Variants in SH2B1 observed in about 807,000 individuals in gnomAD.
The protein encoded by SH2B1 is SH2B adapter protein 1.
SH2B1 carries 15 observed loss-of-function variants against 62.6 expected under a neutral mutation model. That is an observed-to-expected ratio of 0.24 (90% CI 0.16 to 0.37). SH2B1 has a LOEUF of 0.37. Ranked by LOEUF, SH2B1 falls within the 10% of genes least tolerant of loss-of-function variation. SH2B1 has a pLI of 1.00. For missense variants in SH2B1, 925 were observed against 1,015.6 expected, an observed-to-expected ratio of 0.91 and a Z score of 1.21; for synonymous variants, 443 against 438.0, an observed-to-expected ratio of 1.01 and a Z score of -0.14.
At position 28,873,078 on chromosome 16, in the gene SH2B1, C is replaced by G; in HGVS notation, c.1898-369C>G. ...CGGGGACACTCGGTCTGATCCCCTTCCCTCCTCCCTCAATGTCTCATGTCC... is the reference window on the plus strand; with the variant it reads ...CGGGGACACTCGGTCTGATCCCCTTGCCTCCTCCCTCAATGTCTCATGTCC... On this transcript the variant is annotated intron_variant, in intron 7 of 7. Coordinates refer to ENST00000684370, the MANE Select transcript of SH2B1 (RefSeq NM_001387430.1). The surrounding 1 kb of genome is among the most constrained non-coding windows in gnomAD (Gnocchi z 4.2). 1 of 864,302 alleles carries G rather than the reference C, an allele frequency of 1.2e-6. No individual in the cohort carries two copies. The highest frequency in any genetic ancestry group is 1.8e-6 in the Non-Finnish European group (1 of 570,810). 53.5% of individuals were successfully genotyped at this position (864,302 alleles called of 1,614,324 possible). A position where few individuals can be genotyped will look rare whatever the true frequency, so the allele number is the denominator to read the frequency against.
In SH2B1 at chr16:28,865,290, C is replaced by T. The variant is rs908933811; in HGVS notation, c.-805C>T. On this transcript the variant is annotated 5_prime_UTR_variant, in exon 1 of 8. Coordinates refer to ENST00000684370, the MANE Select transcript of SH2B1 (RefSeq NM_001387430.1). ...GTGGGCTGTAGCTATTTCACATCTCCTTCACGCAGTGCGTGGGTGCTGGAC... is the reference window on the plus strand; with the variant it reads ...GTGGGCTGTAGCTATTTCACATCTCTTTCACGCAGTGCGTGGGTGCTGGAC... 2.1e-5 allele frequency: 21 copies of T among 985,586 alleles called. No homozygotes were observed. Among genetic ancestry groups the T allele is most frequent in the Non-Finnish European group, 2.3e-5 (19 of 829,998 alleles). 61.1% of individuals were successfully genotyped at this position (985,586 alleles called of 1,614,324 possible). A position where few individuals can be genotyped will look rare whatever the true frequency, so the allele number is the denominator to read the frequency against.
In SH2B1 at chr16:28,866,281, G is replaced by A. The variant is rs1962687072; in HGVS notation, c.187G>A (p.Ala63Thr). The part of the protein sequence containing the change: ...PQYAGPGAEA[A>T]FSRRFAELFL... ...ATATGCGGGGCCCGGGGCCGAGGCT[G>A]CCTTCTCCCGCCGTTTTGCTGAGCT... Residue 63 changes from alanine (A) to threonine (T), a missense_variant, in exon 1 of 8, where the codon GCC becomes ACC. Ala to Thr is a moderately conservative substitution (Grantham distance 58). Around this residue, in one of 3 missense-constraint regions of SH2B1, gnomAD observed 683 missense variants for 704.0 expected, o/e 0.97. Coordinates refer to ENST00000684370, the MANE Select transcript of SH2B1 (RefSeq NM_001387430.1). This position sits in a 1 kb window ranked among gnomAD's most constrained non-coding sequence, Gnocchi z 6.3. 6.2e-7 allele frequency: 1 copy of A among 1,609,720 alleles called. No homozygotes were observed. The highest frequency in any genetic ancestry group is 8.5e-7 in the Non-Finnish European group (1 of 1,178,874).
In SH2B1 at chr16:28,866,999, G is replaced by A. The variant is rs1207487289; in HGVS notation, c.905G>A (p.Gly302Glu). ...LLLRSEGEGG[G>E]GSRLEFFVPP... ...CTTCGAAGTGAAGGAGAAGGAGGAG[G>A]AGGAAGTCGCCTGGAGTTCTTTGTA... Residue 302 changes from glycine (G) to glutamate (E), a missense_variant, in exon 1 of 8, where the codon GGA (glycine) becomes GAA (glutamate). Around this residue, in one of 3 missense-constraint regions of SH2B1, gnomAD observed 683 missense variants for 704.0 expected, o/e 0.97. Coordinates refer to ENST00000684370, the MANE Select transcript of SH2B1 (RefSeq NM_001387430.1). This position sits in a 1 kb window ranked among gnomAD's most constrained non-coding sequence, Gnocchi z 6.3. 6.2e-7 allele frequency: 1 copy of A among 1,601,926 alleles called. No individual in the cohort carries two copies. Among genetic ancestry groups the A allele is most frequent in the South Asian group, 1.1e-5 (1 of 91,084 alleles).
rs1190729627 is a variant in SH2B1, at chr16:28,852,624, TTA to T, written c.-301+5806_-301+5807del. ...TATTTATATATATACACATATATAT[TTA>T]TATATATACACATATATATTTATAT... On this transcript the variant is annotated intron_variant, in intron 1 of 10. Transcript: ENST00000322610. 3.9e-4 allele frequency among the ~76,000 whole-genome samples: 25 copies of T among 64,716 alleles called. 6 individuals are homozygous for T. Among genetic ancestry groups the T allele is most frequent in the Admixed American group, 1.4e-3 (5 of 3,594 alleles). 42.5% of individuals were successfully genotyped at this position (64,716 alleles called of 152,430 possible). A position where few individuals can be genotyped will look rare whatever the true frequency, so the allele number is the denominator to read the frequency against.
chr16:28,862,566 C>G (rs1043631340), upstream of SH2B1: 40 of 148,340 alleles, frequency 2.7e-4, no homozygotes, highest in Admixed American at 2.7e-3. Flanking sequence ...TCCCAAAGTG[C>G]TGGGATTACA....
rs1055635368 is a variant in SH2B1 at position 28,871,951 on chromosome 16, A to G, written c.1481A>G (p.Tyr494Cys). 6.3e-7 allele frequency: 1 copy of G among 1,587,564 alleles called. No homozygotes were observed. The highest frequency in any genetic ancestry group is 8.6e-7 in the Non-Finnish European group (1 of 1,167,946). ...ACAGTTCATCCCCTCTCAGCCCCCTACCCTCCCTTGGACACTCCGGAAACA... is the reference window on the plus strand; with the variant it reads ...ACAGTTCATCCCCTCTCAGCCCCCTGCCCTCCCTTGGACACTCCGGAAACA... ...TGTVHPLSAP[Y>C]PPLDTPETAT... Residue 494 changes from tyrosine to cysteine, a missense_variant, in exon 5 of 8, where the codon TAC becomes TGC. Transcript: ENST00000684370.
At chr16:28,863,383 A>G (rs994264080), upstream of SH2B1, 2 of 348,398 alleles carry the variant, frequency 5.7e-6, no homozygotes, top group African/African-American at 2.1e-5. Flanking sequence ...GGCCTCCCCA[A>G]GGTCACCCGC....
At chr16:28,868,297 G>A (rs770359360) in intron 2 of SH2B1, among the ~76,000 whole-genome samples, 22 of 151,512 alleles carry the variant, frequency 1.5e-4, no homozygotes, top group Non-Finnish European at 2.5e-4. Context: ...CCGCCACCAC[G>A]CCCGGATAAT....
chr16:28,846,945 G>C (rs1961985720), intron 1 of SH2B1: 1 of 152,932 alleles, frequency 6.5e-6, no homozygotes. Flanking sequence ...TTCATAGGGA[G>C]AGCCTGACAT....
chr16:28,854,072 C>G, intron 1 of SH2B1, among the ~76,000 whole-genome samples: 1 of 147,282 alleles, frequency 6.8e-6, no homozygotes, highest in Non-Finnish European at 1.5e-5. Flanking sequence ...AGGAAGATAG[C>G]TTGAGCCCAG....
At chr16:28,852,830 A>T (rs1337803584) in intron 1 of SH2B1, among the ~76,000 whole-genome samples, 222 of 10,730 alleles carry the variant, frequency 0.021, 51 homozygotes, top group South Asian at 0.043. Flanking sequence ...ATATATATTT[A>T]TATATATATA....
rs1466253173 is a variant in SH2B1, at chr16:28,864,033, G to GGTGGGC, written c.-2057_-2052dup. 78 of 1,395,066 alleles carry GGTGGGC rather than the reference G, an allele frequency of 5.6e-5. No homozygotes were observed. Among genetic ancestry groups the GGTGGGC allele is most frequent in the Non-Finnish European group, 6.0e-5 (64 of 1,075,012 alleles). 86.4% of individuals were successfully genotyped at this position (1,395,066 alleles called of 1,614,324 possible). ...GCGCCCGAGAGGATTCCTGGGTGGG[G>GGTGGGC]GTGGGCGTGGAGGGCCGGGGGCTGG... is the stretch of plus-strand genomic sequence containing the variant. On this transcript the variant is annotated 5_prime_UTR_variant, in exon 1 of 8. Coordinates refer to ENST00000684370, the MANE Select transcript of SH2B1 (RefSeq NM_001387430.1).
intron 2 of SH2B1, among the ~76,000 whole-genome samples, chr16:28,868,759 C>T (rs911267718): frequency 6.6e-6 from 1 of 151,246 alleles, no homozygotes; most frequent in Non-Finnish European, 1.5e-5. Flanking sequence ...CCCGGCCTCG[C>T]CTTATTTTAT....
chr16:28,852,110 G>A (rs1243113931), intron 1 of SH2B1, among the ~76,000 whole-genome samples: 1 of 147,278 alleles, frequency 6.8e-6, no homozygotes, highest in African/African-American at 2.5e-5. Context: ...TAAAGAAAAA[G>A]GCCACTTCTC....
At position 28,865,444 on chromosome 16, in the gene SH2B1, C is replaced by T. The variant is rs571866927; in HGVS notation, c.-651C>T. ...GCAGGCTCTCTAAGGTCTAGAATCC[C>T]AGCTCCTCTCTAGCCCCCTGCGAGC... is the stretch of plus-strand genomic sequence containing the variant. On this transcript the variant is annotated 5_prime_UTR_variant, in exon 1 of 8. Coordinates refer to ENST00000684370, the MANE Select transcript of SH2B1 (RefSeq NM_001387430.1). 13 of 985,466 alleles carry T rather than the reference C, an allele frequency of 1.3e-5. No homozygotes were observed. In the African/African-American group the frequency reaches 1.9e-4, roughly 15 times the overall value. 61.0% of individuals were successfully genotyped at this position (985,466 alleles called of 1,614,324 possible). A position where few individuals can be genotyped will look rare whatever the true frequency, so the allele number is the denominator to read the frequency against.
rs914337381 is a variant in SH2B1 at position 28,873,102 on chromosome 16, C to G, written c.1898-345C>G. The stretch of plus-strand genomic sequence containing the variant: ...TCCCTCCTCCCTCAATGTCTCATGT[C>G]CCTGTCTGATCTCTCCCTTTCCCCT... On this transcript the variant is annotated intron_variant, in intron 7 of 7. Coordinates refer to ENST00000684370, the MANE Select transcript of SH2B1 (RefSeq NM_001387430.1). The surrounding 1 kb of genome is among the most constrained non-coding windows in gnomAD (Gnocchi z 4.2). The G allele has an allele frequency of 3.9e-6, 4 of 1,017,672 alleles. No individual in the cohort carries two copies. In the African/African-American group the frequency reaches 6.5e-5, roughly 16 times the overall value. 63.0% of individuals were successfully genotyped at this position (1,017,672 alleles called of 1,614,324 possible). A position where few individuals can be genotyped will look rare whatever the true frequency, so the allele number is the denominator to read the frequency against.
At chr16:28,856,880 G>C (rs902246489) in intron 1 of SH2B1, among the ~76,000 whole-genome samples, 3 of 152,098 alleles carry the variant, frequency 2.0e-5, no homozygotes, top group African/African-American at 7.2e-5. Context: ...TGCCAACCCT[G>C]AGTGTGCTTC....
At chr16:28,853,519 TTTC>T (rs1847940037) in intron 1 of SH2B1, among the ~76,000 whole-genome samples, 3 of 128,840 alleles carry the variant, frequency 2.3e-5, no homozygotes, top group African/African-American at 8.1e-5. Context: ...CACCCCACTT[TTTC>T]TTTTTTTTTT....
At position 28,872,661 on chromosome 16, in the gene SH2B1, ATGT is replaced by A. The variant is rs1412414628; in HGVS notation, c.1857_1859del (p.Val620del). On this transcript the variant is annotated inframe_deletion, in exon 7 of 8. Transcript: ENST00000684370. The surrounding 1 kb of genome is among the most constrained non-coding windows in gnomAD (Gnocchi z 5.3). ...CCTTTGGAGTCGGGAGGCTCCAGTG[ATGT>A]TGTCCTTGTCAGCTATGTCCCATCC... is the stretch of plus-strand genomic sequence containing the variant. The A allele has an allele frequency of 5.0e-6, 8 of 1,614,108 alleles. No individual in the cohort carries two copies. The highest frequency in any genetic ancestry group is 1.1e-5 in the South Asian group (1 of 91,082).
Sources: gnomAD v4.1 joint callset for allele counts (sites outside exome capture counted in the v4.1 genomes callset) on GRCh38, gnomAD v4.1.1 for gene constraint, gnomAD v4.1.1 regional missense constraint, Gnocchi (gnomAD v3.1) non-coding constraint, MANE v1.5 for transcripts, NCBI Gene and HGNC (gene_info 2026-07-23, HGNC 2026-07-21) for gene names.